The following PPM1E variants were observed in gnomAD, a reference collection of about 807,000 sequenced individuals.
PPM1E encodes protein phosphatase, Mg2+/Mn2+ dependent 1E.
Under a neutral mutation model 65.9 loss-of-function variants are expected in PPM1E, and 20 were observed. That is an observed-to-expected ratio of 0.30 (90% confidence interval 0.21 to 0.44). The LOEUF (loss-of-function observed/expected upper bound fraction) is 0.44, where lower values mean the gene tolerates loss of function less well. PPM1E is among the 20% of genes least tolerant of loss of function. The pLI is 1.00. For missense variants in PPM1E, 713 were observed against 953.1 expected, an observed-to-expected ratio of 0.75 and a Z score of 3.32; for synonymous variants, 352 against 374.9, an observed-to-expected ratio of 0.94 and a Z score of 0.70.
At chr17:58,769,856 G>A (rs964275969) in intron 1 of PPM1E, among the ~76,000 whole-genome samples, 4 of 151,762 alleles carry the variant, frequency 2.6e-5, no homozygotes, top group Admixed American at 6.6e-5. Flanking sequence ...GCAAAACCCC[G>A]TCTCTACTAA....
At chr17:58,877,821 C>CT (rs2051144756) in intron 1 of PPM1E, among the ~76,000 whole-genome samples, 1 of 152,096 alleles carries the variant, frequency 6.6e-6, no homozygotes, top group African/African-American at 2.4e-5. Flanking sequence ...TGCAAATGCA[C>CT]TACTATTCTT....
At chr17:58,807,975 G>A (rs1366081667) in intron 1 of PPM1E, among the ~76,000 whole-genome samples, 1 of 152,176 alleles carries the variant, frequency 6.6e-6, no homozygotes, top group Non-Finnish European at 1.5e-5. Context: ...TTGGAAAGAT[G>A]TTTTGGTATT....
intron 2 of PPM1E, among the ~76,000 whole-genome samples, chr17:58,958,760 C>T (rs2143652789): frequency 6.6e-6 from 1 of 151,676 alleles, no homozygotes; most frequent in African/African-American, 2.4e-5. Context: ...CAGATAATTC[C>T]AATGGTTTTT....
At chr17:58,843,399 TCCCAGCTA>T in intron 1 of PPM1E, among the ~76,000 whole-genome samples, 1 of 151,642 alleles carries the variant, frequency 6.6e-6, no homozygotes, top group East Asian at 1.9e-4. Context: ...ACATCTGTAG[TCCCAGCTA>T]TACTTGGAAG....
chr17:58,896,475 C>T (rs550679747), intron 1 of PPM1E, among the ~76,000 whole-genome samples: 5 of 152,186 alleles, frequency 3.3e-5, no homozygotes, highest in East Asian at 3.9e-4. Flanking sequence ...GTCCCAGCTA[C>T]TCGGGAGGCT....
intron 1 of PPM1E, among the ~76,000 whole-genome samples, chr17:58,856,098 T>C (rs2050878916): frequency 6.6e-6 from 1 of 152,248 alleles, no homozygotes; most frequent in Non-Finnish European, 1.5e-5. Context: ...GTGAAACTTG[T>C]ATGTATTCAG....
At chr17:58,895,032 C>G (rs936746442) in intron 1 of PPM1E, among the ~76,000 whole-genome samples, 1 of 152,146 alleles carries the variant, frequency 6.6e-6, no homozygotes, top group Admixed American at 6.5e-5. Flanking sequence ...CACTTCATGT[C>G]TCTGTCACAT....
intron 1 of PPM1E, among the ~76,000 whole-genome samples, chr17:58,786,101 G>A (rs542902914): frequency 2.7e-5 from 4 of 148,124 alleles, no homozygotes; most frequent in South Asian, 4.3e-4. Flanking sequence ...TTCAAGCTCC[G>A]CCTCCCGGGT....
chr17:58,976,419 A>G (rs184694080), intron 6 of PPM1E, among the ~76,000 whole-genome samples: 1 of 152,318 alleles, frequency 6.6e-6, no homozygotes, highest in East Asian at 1.9e-4. Context: ...GAAGAATTTG[A>G]GAAAGAATTG....
At chr17:58,939,073 C>T (rs920752213) in intron 1 of PPM1E, among the ~76,000 whole-genome samples, 19 of 152,260 alleles carry the variant, frequency 1.2e-4, no homozygotes, top group African/African-American at 4.3e-4. Context: ...CAGGTGTGCA[C>T]CACCACGCCT....
At chr17:58,870,069 T>A (rs2051052826) in intron 1 of PPM1E, among the ~76,000 whole-genome samples, 1 of 152,152 alleles carries the variant, frequency 6.6e-6, no homozygotes, top group Admixed American at 6.6e-5. Flanking sequence ...GGTTCTCTTC[T>A]ACTAGACACA....
chr17:58,857,080 A>G (rs767233964), intron 1 of PPM1E, among the ~76,000 whole-genome samples: 10 of 152,172 alleles, frequency 6.6e-5, no homozygotes, highest in Non-Finnish European at 1.3e-4. Flanking sequence ...CTACTTATTC[A>G]TGTATATTTG....
At chr17:58,879,527 T>TTTTTA (rs2051166771) in intron 1 of PPM1E, among the ~76,000 whole-genome samples, 1 of 144,064 alleles carries the variant, frequency 6.9e-6, no homozygotes, top group Non-Finnish European at 1.5e-5. Context: ...TTTTTTTTTT[T>TTTTTA]GAGACAGAGT....
In PPM1E at chr17:58,801,061, A is replaced by C. The variant is rs143652779; in HGVS notation, c.464+44600A>C. Among the ~76,000 whole-genome samples the C allele has an allele frequency of 1.1e-3, 166 of 152,142 alleles. 1 individual carries two copies. Among genetic ancestry groups the C allele is most frequent in the African/African-American group, 3.9e-3 (161 of 41,524 alleles). ...TATTTTGATTCTTTTATTTTTATTA[A>C]AATTTATTTTATTTCACAATATATT... is the stretch of plus-strand genomic sequence containing the variant. On this transcript the variant is annotated intron_variant, in intron 1 of 6. Coordinates refer to ENST00000308249, the MANE Select transcript of PPM1E (RefSeq NM_014906.5).
At chr17:58,848,283 T>C (rs1241017907) in intron 1 of PPM1E, among the ~76,000 whole-genome samples, 1 of 152,216 alleles carries the variant, frequency 6.6e-6, no homozygotes, top group Non-Finnish European at 1.5e-5. Context: ...CCTGCCTGAT[T>C]ACCCTGGCCA....
chr17:58,816,241 G>A lies in PPM1E; in HGVS notation c.464+59780G>A, dbSNP rs138058020. Among the ~76,000 whole-genome samples the A allele has an allele frequency of 5.4e-3, 822 of 151,946 alleles. 5 individuals carry two copies. The highest frequency in any genetic ancestry group is 0.019 in the African/African-American group (772 of 41,518). On this transcript the variant is annotated intron_variant, in intron 1 of 6. Coordinates refer to ENST00000308249, the MANE Select transcript of PPM1E (RefSeq NM_014906.5). ...GGGTTTTACCATATTGGCCAGGCTGGTCTCAAACTCCTGACCTTGTGATCC... is the reference window on the plus strand; with the variant it reads ...GGGTTTTACCATATTGGCCAGGCTGATCTCAAACTCCTGACCTTGTGATCC...
At chr17:58,828,235 T>G (rs898485757) in intron 1 of PPM1E, among the ~76,000 whole-genome samples, 1 of 151,474 alleles carries the variant, frequency 6.6e-6, no homozygotes, top group Non-Finnish European at 1.5e-5. Flanking sequence ...AATAATAATT[T>G]TTATTTTTAT....
intron 1 of PPM1E, among the ~76,000 whole-genome samples, chr17:58,908,884 C>T (rs1050979059): frequency 1.3e-5 from 2 of 152,118 alleles, no homozygotes; most frequent in African/African-American, 4.8e-5. Context: ...CTCCTACCTC[C>T]CATCCCTTGT....
intron 6 of PPM1E, among the ~76,000 whole-genome samples, chr17:58,978,374 C>G (rs2031149258): frequency 6.6e-6 from 1 of 152,122 alleles, no homozygotes; most frequent in Non-Finnish European, 1.5e-5. Flanking sequence ...GGAATTATTG[C>G]TCAGTACCCT....
Sources: gnomAD v4.1 joint callset for allele counts (sites outside exome capture counted in the v4.1 genomes callset) on GRCh38, gnomAD v4.1.1 for gene constraint, MANE v1.5 for transcripts, NCBI Gene and HGNC (gene_info 2026-07-23, HGNC 2026-07-21) for gene names.